The following TRIM66 variants were observed in gnomAD, a reference collection of about 807,000 sequenced individuals.
TRIM66 encodes the protein tripartite motif-containing protein 66.
A neutral mutation model predicts 148.2 loss-of-function variants in TRIM66; 99 were observed. That is an observed-to-expected ratio of 0.67 (90% CI 0.57 to 0.79). The LOEUF (loss-of-function observed/expected upper bound fraction) is 0.79. Ranked by LOEUF, TRIM66 falls within the 30% of genes least tolerant of loss-of-function variation. The pLI is 0.00. For missense variants in TRIM66, 1,666 were observed against 1,697.9 expected (o/e 0.98, Z 0.33); for synonymous variants, 616 against 635.9 (o/e 0.97, Z 0.47).
At chr11:8,639,576 A>G (rs1246285625) in intron 14 of TRIM66, among the ~76,000 whole-genome samples, 2 of 152,236 alleles carry the variant, frequency 1.3e-5, no homozygotes, top group African/African-American at 4.8e-5. Flanking sequence ...TCTTAGCTCT[A>G]TCTCTCAATG....
chr11:8,627,060 T>C (rs2034917662), intron 15 of TRIM66, among the ~76,000 whole-genome samples: 1 of 152,248 alleles, frequency 6.6e-6, no homozygotes, highest in Non-Finnish European at 1.5e-5. Context: ...TTCCTGCTTT[T>C]ATGCTCTCAT....
At chr11:8,621,386 G>A in intron 19 of TRIM66, 65 bp from the exon 20 acceptor site, 2 of 1,490,414 alleles carry the variant, frequency 1.3e-6, no homozygotes, top group African/African-American at 1.4e-5. Flanking sequence ...GGGAGGGGAG[G>A]GAGAGACTGG....
In TRIM66 at chr11:8,617,657, C is replaced by T. The variant is rs886588243; in HGVS notation, c.*287G>A. 8 of 394,904 alleles carry T rather than the reference C, an allele frequency of 2.0e-5. 1 individual carries two copies. In the East Asian group the frequency reaches 2.7e-4, roughly 14 times the overall value. The allele number at this position is 394,904 out of a possible 1,614,324, so 24.5% of individuals were successfully genotyped here. A position where few individuals can be genotyped will look rare whatever the true frequency, so the allele number is the denominator to read the frequency against. On this transcript the variant is annotated 3_prime_UTR_variant, in exon 25 of 25. Transcript: ENST00000646038. ...AATTCACCAAGGAAAGTAGGTTTTC[C>T]CGAGCCTAACCAGGTGTGGTCTTGT...
rs565221709 is a variant in TRIM66 at position 8,630,393 on chromosome 11, G to T, written c.2311-5165C>A. On this transcript the variant is annotated intron_variant, in intron 15 of 24. Coordinates refer to ENST00000646038, the MANE Select transcript of TRIM66 (RefSeq NM_001388022.1). ...TTTCTAGCTATAAAGTACGTAGAGG[G>T]TTATCACTGAGGTTTCTAGGCTGTC... 8.5e-5 allele frequency among the ~76,000 whole-genome samples: 13 copies of T among 152,302 alleles called. No individual in the cohort carries two copies. In the South Asian group the frequency reaches 2.5e-3, roughly 29 times the overall value.
chr11:8,654,422 A>G (rs2037634822), intron 6 of TRIM66: 1 of 152,170 alleles, frequency 6.6e-6, no homozygotes. Context: ...ACTCCTATTC[A>G]TCCTTTCATA....
At chr11:8,625,349 TA>T in intron 15 of TRIM66, 121 bp from the exon 16 acceptor site, 1 of 674,628 alleles carries the variant, frequency 1.5e-6, no homozygotes. Context: ...CAGAGTCTGG[TA>T]GCTGCTGGTA....
chr11:8,622,051 ATC>A (rs1205378558), intron 18 of TRIM66, among the ~76,000 whole-genome samples: 2 of 152,006 alleles, frequency 1.3e-5, no homozygotes, highest in Non-Finnish European at 1.5e-5. Flanking sequence ...GGTGGGCACC[ATC>A]TAATCAGCTG....
intron 24 of TRIM66, 121 bp from the exon 25 acceptor site, chr11:8,618,124 C>T (rs971303362): frequency 1.0e-6 from 1 of 990,848 alleles, no homozygotes; most frequent in Non-Finnish European, 1.5e-6. Context: ...CCTAGGAATG[C>T]AGCAGTAAAA....
chr11:8,675,427 G>A (rs950954201), intron 3 of TRIM66, among the ~76,000 whole-genome samples: 1 of 152,198 alleles, frequency 6.6e-6, no homozygotes, highest in Admixed American at 6.5e-5. Flanking sequence ...TTGTTAACCA[G>A]GCTGGAGTAC....
intron 15 of TRIM66, among the ~76,000 whole-genome samples, chr11:8,634,744 C>A (rs2035729039): frequency 6.6e-6 from 1 of 152,182 alleles, no homozygotes; most frequent in Non-Finnish European, 1.5e-5. Context: ...TCATTTTCAG[C>A]CGCAACCTGT....
chr11:8,653,954 G>A (rs1406657816), intron 6 of TRIM66, among the ~76,000 whole-genome samples: 3 of 150,104 alleles, frequency 2.0e-5, no homozygotes, highest in Non-Finnish European at 2.9e-5. Context: ...TCATCCAGGG[G>A]AATAAGGCTA....
In TRIM66 at chr11:8,643,087, T is replaced by C. The variant is rs1295974150; in HGVS notation, c.1144A>G (p.Asn382Asp). 3.2e-6 allele frequency: 5 copies of C among 1,551,320 alleles called. No homozygotes were observed. The highest frequency in any genetic ancestry group is 2.4e-5 in the East Asian group (1 of 40,892). The change falls in exon 13 of 25, where the codon AAC becomes GAC. Residue 382 changes from asparagine (N) to aspartate (D), a missense_variant. This residue lies in a region of TRIM66 where 1,431 missense variants were observed against 1,412.4 expected (regional missense o/e 1.01). Transcript: ENST00000646038. Reference sequence around the variant, plus strand: ...CTCCAAGGGGAGCCAGGATCTGTGTTACAACTTGTCTCCAGCAATCGCTGC... The same window carrying C: ...CTCCAAGGGGAGCCAGGATCTGTGTCACAACTTGTCTCCAGCAATCGCTGC... ...QMQRLLETSC[N>D]TDPGSPWSIR...
At chr11:8,636,562 G>C (rs576337258) in intron 15 of TRIM66, among the ~76,000 whole-genome samples, 1 of 152,142 alleles carries the variant, frequency 6.6e-6, no homozygotes, top group African/African-American at 2.4e-5. Context: ...TGGGATGGGA[G>C]CATGGGAAAA....
intron 3 of TRIM66, among the ~76,000 whole-genome samples, chr11:8,675,130 T>C (rs1390382401): frequency 6.6e-6 from 1 of 152,252 alleles, no homozygotes; most frequent in Non-Finnish European, 1.5e-5. Flanking sequence ...CAATGACTTA[T>C]GCAGATGTTC....
chr11:8,661,511 A>G (rs752445653), intron 6 of TRIM66, among the ~76,000 whole-genome samples: 3 of 152,164 alleles, frequency 2.0e-5, no homozygotes, highest in Non-Finnish European at 2.9e-5. Flanking sequence ...ATGCAAAACC[A>G]CTGATCCCTT....
At chr11:8,668,207 T>G (rs758170988) in intron 6 of TRIM66, among the ~76,000 whole-genome samples, 1 of 152,226 alleles carries the variant, frequency 6.6e-6, no homozygotes, top group Non-Finnish European at 1.5e-5. Context: ...TATTGGTTAT[T>G]TGTACTTCAT....
At chr11:8,648,300 G>A in intron 9 of TRIM66, 116 bp downstream of exon 9, 5 of 1,451,990 alleles carry the variant, frequency 3.4e-6, no homozygotes, top group Non-Finnish European at 4.6e-6. Context: ...CAGCCCAGGG[G>A]CTGCAGGTTG....
intron 10 of TRIM66, among the ~76,000 whole-genome samples, chr11:8,647,424 G>A (rs2036962440): frequency 9.2e-6 from 1 of 108,478 alleles, no homozygotes; most frequent in Non-Finnish European, 2.0e-5. Context: ...TCAGTAAAAT[G>A]GAGAAAATCG....
chr11:8,649,798 G>C lies in TRIM66; in HGVS notation c.534C>G (p.His178Gln). The C allele has an allele frequency of 1.9e-6, 3 of 1,551,718 alleles. No individual in the cohort carries two copies. Among genetic ancestry groups the C allele is most frequent in the Non-Finnish European group, 2.6e-6 (3 of 1,147,008 alleles). ...RWLCSSCTEE[H>Q]RHSPVPGGPF... is the part of the protein sequence containing the mutation. ...GGCCCCCGGGGACAGGGCTGTGTCG[G>C]TGTTCCTCTGTGCAAGAGCTGCACA... Residue 178 changes from histidine (H) to glutamine (Q), a missense_variant, in exon 8 of 25, where the codon CAC (histidine) becomes CAG (glutamine). Transcript: ENST00000646038.
Sources: gnomAD v4.1 joint callset for allele counts (sites outside exome capture counted in the v4.1 genomes callset) on GRCh38, gnomAD v4.1.1 for gene constraint, gnomAD v4.1.1 regional missense constraint, MANE v1.5 for transcripts, NCBI Gene and HGNC (gene_info 2026-07-23, HGNC 2026-07-21) for gene names.